The following MTA3 variants were observed in gnomAD, a reference collection of about 807,000 sequenced individuals.
MTA3 encodes metastasis-associated protein MTA3.
In MTA3, 34 loss-of-function variants were observed where a neutral mutation model predicts 83.5. The ratio of observed to expected loss-of-function variants is 0.41; its 90% confidence interval spans 0.31 to 0.54. MTA3 has a LOEUF of 0.54. Ranked by LOEUF, MTA3 falls within the 20% of genes least tolerant of loss-of-function variation. The pLI is 0.33. For missense variants in MTA3, 761 were observed against 726.4 expected (o/e 1.05, Z -0.55); for synonymous variants, 303 against 252.7 (o/e 1.20, Z -1.89).
chr2:42,548,848 TATATATATATA>T lies in MTA3; in HGVS notation c.-140-21577_-140-21567del, dbSNP rs1225782496. 9.7e-4 allele frequency among the ~76,000 whole-genome samples: 25 copies of T among 25,728 alleles called. 4 individuals carry two copies. The highest frequency in any genetic ancestry group is 3.4e-3 in the African/African-American group (11 of 3,216). 16.9% of individuals were successfully genotyped at this position (25,728 alleles called of 152,430 possible). On this transcript the variant is annotated intron_variant, in intron 2 of 17. Transcript: ENST00000405592. ...ATATATAATATATATATATATATAA[TATATATATATA>T]ATATATATATATATATAATATATAT...
intron 16 of MTA3, among the ~76,000 whole-genome samples, chr2:42,726,419 T>A (rs554227307): frequency 5.1e-4 from 77 of 152,078 alleles, no homozygotes; most frequent in African/African-American, 1.7e-3. Context: ...GTTAGTTACA[T>A]ATGTATACAT....
At chr2:42,501,471 A>G (rs771444718) in intron 2 of MTA3, among the ~76,000 whole-genome samples, 1 of 152,204 alleles carries the variant, frequency 6.6e-6, no homozygotes, top group Non-Finnish European at 1.5e-5. Flanking sequence ...TGCATATGGC[A>G]TGGAGGCCAT....
At chr2:42,714,502 T>C (rs1318633234) in intron 14 of MTA3, among the ~76,000 whole-genome samples, 1 of 152,204 alleles carries the variant, frequency 6.6e-6, no homozygotes, top group Non-Finnish European at 1.5e-5. Context: ...ACATGTGGGA[T>C]GTTTTTGTGA....
chr2:42,700,330 C>T (rs865960322), intron 11 of MTA3, among the ~76,000 whole-genome samples: 1 of 152,204 alleles, frequency 6.6e-6, no homozygotes, highest in Non-Finnish European at 1.5e-5. Context: ...CACAGATTGT[C>T]ACAATGACAT....
chr2:42,635,414 A>C (rs1687088328), intron 4 of MTA3, among the ~76,000 whole-genome samples: 1 of 151,918 alleles, frequency 6.6e-6, no homozygotes, highest in Non-Finnish European at 1.5e-5. Context: ...GATCACCTGA[A>C]ATTAGGAGTT....
At chr2:42,618,539 C>A (rs1306886973) in intron 4 of MTA3, among the ~76,000 whole-genome samples, 1 of 152,296 alleles carries the variant, frequency 6.6e-6, no homozygotes, top group East Asian at 1.9e-4. Context: ...GAAAAAGACA[C>A]TACTTCTCTC....
At chr2:42,697,382 C>T (rs1051067542) in intron 10 of MTA3, among the ~76,000 whole-genome samples, 1 of 149,544 alleles carries the variant, frequency 6.7e-6, no homozygotes, top group African/African-American at 2.4e-5. Flanking sequence ...TTTCTAAAAG[C>T]AGAGAGAGAG....
At chr2:42,511,191 C>T (rs928946357) in intron 2 of MTA3, among the ~76,000 whole-genome samples, 2 of 152,066 alleles carry the variant, frequency 1.3e-5, no homozygotes, top group Non-Finnish European at 2.9e-5. Context: ...TAGATGCAAC[C>T]AAAATAGCAT....
At chr2:42,576,020 T>C (rs1431711362) in intron 2 of MTA3, among the ~76,000 whole-genome samples, 2 of 152,124 alleles carry the variant, frequency 1.3e-5, no homozygotes, top group Non-Finnish European at 2.9e-5. Flanking sequence ...TTACATAGGG[T>C]CTTTATTTCT....
At position 42,496,634 on chromosome 2, in the gene MTA3, TTACTCCCA is replaced by T. The variant is rs1264075630; in HGVS notation, c.-141+1382_-141+1389del. Among the ~76,000 whole-genome samples the T allele has an allele frequency of 2.9e-3, 414 of 140,932 alleles. 2 individuals carry two copies. The highest frequency in any genetic ancestry group is 0.01 in the African/African-American group (396 of 37,722). 92.5% of individuals were successfully genotyped at this position (140,932 alleles called of 152,430 possible). ...AAAAAAAAAAAAAAAAAAAAGCAAA[TTACTCCCA>T]TTTTTTCCTCCCCTCCGAAGTTACA... On this transcript the variant is annotated intron_variant, in intron 2 of 17. Coordinates refer to the MTA3 transcript ENST00000405592.
chr2:42,660,635 C>T (rs886723597), intron 8 of MTA3, among the ~76,000 whole-genome samples: 3 of 152,104 alleles, frequency 2.0e-5, no homozygotes, highest in Non-Finnish European at 4.4e-5. Flanking sequence ...TTGTGATAGG[C>T]ACGGTAGGAT....
chr2:42,576,905 C>G (rs566844632), intron 2 of MTA3, among the ~76,000 whole-genome samples: 1 of 150,260 alleles, frequency 6.7e-6, no homozygotes, highest in African/African-American at 2.4e-5. Context: ...AACAAACAAA[C>G]AAAAAAACCA....
intron 2 of MTA3, among the ~76,000 whole-genome samples, chr2:42,513,531 G>A (rs890853071): frequency 2.0e-5 from 3 of 152,154 alleles, no homozygotes; most frequent in African/African-American, 7.2e-5. Context: ...CCAATAGTGA[G>A]GCCACATCTA....
chr2:42,597,662 G>T (rs1681977475), intron 3 of MTA3, among the ~76,000 whole-genome samples: 1 of 146,308 alleles, frequency 6.8e-6, no homozygotes, highest in Non-Finnish European at 1.5e-5. Context: ...GGGATTACAG[G>T]TGTGAGCCAC....
chr2:42,604,554 C>T (rs1480039885), intron 3 of MTA3, among the ~76,000 whole-genome samples: 18 of 143,638 alleles, frequency 1.3e-4, no homozygotes, highest in Non-Finnish European at 1.7e-4. Flanking sequence ...CTTACTTGGT[C>T]TGCTCTGAAT....
At position 42,586,557 on chromosome 2, in the gene MTA3, AACACACACACACAC is replaced by A. The variant is rs68029790; in HGVS notation, c.190+7403_190+7416del. On this transcript the variant is annotated intron_variant, in intron 3 of 16. Transcript: ENST00000405094. Reference sequence around the variant, plus strand: ...AAAACACACACACACAAGGAAGGAAAACACACACACACACACACACACACACACACACACACACA... The same window carrying A: ...AAAACACACACACACAAGGAAGGAAAACACACACACACACACACACACACA... 3.4e-3 allele frequency among the ~76,000 whole-genome samples: 425 copies of A among 125,970 alleles called. 7 individuals carry two copies. The highest frequency in any genetic ancestry group is 0.011 in the African/African-American group (357 of 33,804). 82.6% of individuals were successfully genotyped at this position (125,970 alleles called of 152,430 possible). A position where few individuals can be genotyped will look rare whatever the true frequency, so the allele number is the denominator to read the frequency against.
intron 8 of MTA3, among the ~76,000 whole-genome samples, chr2:42,662,933 GT>G (rs1046085072): frequency 3.5e-4 from 53 of 152,086 alleles, no homozygotes; most frequent in African/African-American, 1.3e-3. Flanking sequence ...GTTTCACCGT[GT>G]TGGTCAGGCT....
intron 14 of MTA3, among the ~76,000 whole-genome samples, chr2:42,711,139 T>A (rs1442779813): frequency 6.6e-6 from 1 of 152,118 alleles, no homozygotes; most frequent in Non-Finnish European, 1.5e-5. Context: ...GAATGAGACT[T>A]TTCCATTAAG....
chr2:42,515,792 G>GAA (rs1285928951), intron 2 of MTA3, among the ~76,000 whole-genome samples: 16 of 150,238 alleles, frequency 1.1e-4, no homozygotes, highest in Non-Finnish European at 2.4e-4. Context: ...GAACCACCGT[G>GAA]CCCAGTCGTT....
Sources: allele counts gnomAD v4.1 joint callset (sites outside exome capture counted in the v4.1 genomes callset), GRCh38; gene constraint gnomAD v4.1.1; transcripts MANE v1.5; gene names NCBI Gene and HGNC (gene_info 2026-07-23, HGNC 2026-07-21).